NTN1: variants seen among roughly 807,000 people sequenced by gnomAD.
NTN1 encodes netrin 1.
A neutral mutation model predicts 54.2 loss-of-function variants in NTN1; 11 were observed. The observed-to-expected ratio is 0.20, with a 90% CI of 0.13 to 0.34. The LOEUF (loss-of-function observed/expected upper bound fraction) is 0.34. NTN1 is among the 10% of genes least tolerant of loss of function. NTN1 has a pLI of 1.00. For missense variants in NTN1, 740 were observed against 893.1 expected (o/e 0.83, Z 2.18); for synonymous variants, 371 against 382.0 (o/e 0.97, Z 0.33).
At chr17:9,020,157 T>C (rs2091841030), upstream of NTN1, among the ~76,000 whole-genome samples, 1 of 152,208 alleles carries the variant, frequency 6.6e-6, no homozygotes, top group African/African-American at 2.4e-5. Context: ...TCAGGGTTTA[T>C]GAAAATGCCA....
chr17:9,029,854 T>C (rs1290956864), intron 2 of NTN1, among the ~76,000 whole-genome samples: 1 of 151,884 alleles, frequency 6.6e-6, no homozygotes, highest in African/African-American at 2.4e-5. Context: ...TAGCTGGGCG[T>C]GGTGGCGTGT....
chr17:9,161,477 G>C (rs188835246), intron 2 of NTN1, among the ~76,000 whole-genome samples: 23 of 152,212 alleles, frequency 1.5e-4, no homozygotes, highest in African/African-American at 5.3e-4. Context: ...CCTCAGATTG[G>C]TGCTTAGAAA....
intron 6 of NTN1, among the ~76,000 whole-genome samples, chr17:9,236,296 G>A (rs1298710859): frequency 6.6e-6 from 1 of 152,196 alleles, no homozygotes; most frequent in African/African-American, 2.4e-5. Flanking sequence ...ATGTAGCCCA[G>A]AGATCCCCAT....
intron 2 of NTN1, among the ~76,000 whole-genome samples, chr17:9,132,351 G>A (rs1390750823): frequency 6.6e-6 from 1 of 152,150 alleles, no homozygotes; most frequent in Non-Finnish European, 1.5e-5. Context: ...CTGACATCCT[G>A]GAAAACTCCT....
chr17:9,227,542 A>G (rs919160481), intron 6 of NTN1, among the ~76,000 whole-genome samples: 3 of 133,446 alleles, frequency 2.2e-5, no homozygotes, highest in Non-Finnish European at 4.7e-5. Context: ...CAGATACACC[A>G]TCACACACAG....
intron 2 of NTN1, among the ~76,000 whole-genome samples, chr17:9,075,619 C>T (rs528197257): frequency 6.6e-6 from 1 of 152,338 alleles, no homozygotes; most frequent in East Asian, 1.9e-4. Flanking sequence ...AGGGGACGGC[C>T]TGTCAGCCTC....
At chr17:9,149,838 AG>A (rs1419009139) in intron 2 of NTN1, among the ~76,000 whole-genome samples, 1 of 151,998 alleles carries the variant, frequency 6.6e-6, no homozygotes, top group Non-Finnish European at 1.5e-5. Context: ...GAGGCTGAGG[AG>A]GGTGGATCAC....
intron 3 of NTN1, among the ~76,000 whole-genome samples, chr17:9,166,385 A>G (rs974925523): frequency 2.3e-5 from 3 of 127,808 alleles, no homozygotes; most frequent in Non-Finnish European, 4.6e-5. Context: ...TCTGTTGTCC[A>G]GGCTGGAGTG....
At chr17:9,209,443 G>A (rs1175731418) in intron 5 of NTN1, among the ~76,000 whole-genome samples, 1 of 152,254 alleles carries the variant, frequency 6.6e-6, no homozygotes, top group African/African-American at 2.4e-5. Context: ...CTCAGGCCTG[G>A]TGTTTGAGGC....
upstream of NTN1, among the ~76,000 whole-genome samples, chr17:9,016,686 T>C (rs973768016): frequency 3.9e-5 from 6 of 152,176 alleles, no homozygotes; most frequent in East Asian, 1.2e-3. Flanking sequence ...TTCCATCCTG[T>C]CCTGTTTTCC....
At position 9,146,611 on chromosome 17, in the gene NTN1, GGGT is replaced by G. The variant is rs1421510026; in HGVS notation, c.1019-16201_1019-16199del. Reference sequence around the variant, plus strand: ...CTGTGGGTCTTTAGACACACCCTGGGGGTCTTTAGACACACCCTGGGGCTCCTG... The same window carrying G: ...CTGTGGGTCTTTAGACACACCCTGGGCTTTAGACACACCCTGGGGCTCCTG... On this transcript the variant is annotated intron_variant, in intron 2 of 6. Coordinates refer to ENST00000173229, the MANE Select transcript of NTN1 (RefSeq NM_004822.3). 3.5e-3 allele frequency among the ~76,000 whole-genome samples: 469 copies of G among 132,264 alleles called. 5 individuals carry two copies. The highest frequency in any genetic ancestry group is 0.017 in the African/African-American group (436 of 25,930). 86.8% of individuals were successfully genotyped at this position (132,264 alleles called of 152,430 possible). A position where few individuals can be genotyped will look rare whatever the true frequency, so the allele number is the denominator to read the frequency against.
chr17:9,157,801 C>T (rs777940206), intron 2 of NTN1, among the ~76,000 whole-genome samples: 1 of 152,240 alleles, frequency 6.6e-6, no homozygotes, highest in Non-Finnish European at 1.5e-5. Flanking sequence ...CCACCCCCAA[C>T]CCCCTTTTCT....
chr17:9,034,986 G>A (rs919601942), intron 2 of NTN1, among the ~76,000 whole-genome samples: 3 of 151,672 alleles, frequency 2.0e-5, no homozygotes, highest in Non-Finnish European at 4.4e-5. Flanking sequence ...TCGCTCTGTC[G>A]CCCAGGCTGG....
chr17:9,180,339 C>T (rs895906785), intron 4 of NTN1, among the ~76,000 whole-genome samples: 80 of 152,328 alleles, frequency 5.3e-4, no homozygotes, highest in African/African-American at 1.8e-3. Flanking sequence ...GCGCCTGGCC[C>T]ATTCAGTGGG....
At chr17:9,054,690 G>A (rs983900277) in intron 2 of NTN1, among the ~76,000 whole-genome samples, 3 of 152,058 alleles carry the variant, frequency 2.0e-5, no homozygotes, top group African/African-American at 4.8e-5. Flanking sequence ...TGGCGAGCTC[G>A]CAGGGAGATT....
intron 2 of NTN1, among the ~76,000 whole-genome samples, chr17:9,070,475 C>T (rs1219003158): frequency 6.6e-6 from 1 of 152,126 alleles, no homozygotes; most frequent in South Asian, 2.1e-4. Context: ...TGAGCCTAAA[C>T]CCCCGAGACT....
chr17:9,137,806 AT>A (rs1377797323), intron 2 of NTN1, among the ~76,000 whole-genome samples: 1 of 152,244 alleles, frequency 6.6e-6, no homozygotes, highest in African/African-American at 2.4e-5. Context: ...AAAAAAAAAA[AT>A]AAAACTGTTG....
intron 2 of NTN1, among the ~76,000 whole-genome samples, chr17:9,024,832 G>A (rs2091864830): frequency 6.6e-6 from 1 of 152,198 alleles, no homozygotes; most frequent in African/African-American, 2.4e-5. Context: ...CCAGTCTGAA[G>A]ACACTTTTCA....
chr17:9,091,454 C>CTTTTTTT (rs56181757), intron 2 of NTN1, among the ~76,000 whole-genome samples: 1 of 135,370 alleles, frequency 7.4e-6, no homozygotes, highest in Non-Finnish European at 1.6e-5. Flanking sequence ...AACCCCCCGC[C>CTTTTTTT]TTTTTTTTTT....
Sources: allele counts gnomAD v4.1 joint callset (sites outside exome capture counted in the v4.1 genomes callset), GRCh38; gene constraint gnomAD v4.1.1; transcripts MANE v1.5; gene names NCBI Gene and HGNC (gene_info 2026-07-23, HGNC 2026-07-21).